Variants in KDM4B observed in about 807,000 individuals in gnomAD.
KDM4B encodes lysine-specific demethylase 4B.
Under a neutral mutation model 125.2 loss-of-function variants are expected in KDM4B, and 32 were observed. The observed-to-expected ratio is 0.26, with a 90% CI of 0.19 to 0.34. KDM4B has a LOEUF of 0.34. KDM4B is among the 10% of genes least tolerant of loss of function. The pLI is 1.00. For missense variants in KDM4B, 1,190 were observed against 1,577.7 expected, an observed-to-expected ratio of 0.75 and a Z score of 4.16; for synonymous variants, 721 against 677.9, an observed-to-expected ratio of 1.06 and a Z score of -0.99.
intron 2 of KDM4B, among the ~76,000 whole-genome samples, chr19:5,028,327 G>T (rs115472405): frequency 6.6e-6 from 1 of 152,120 alleles, no homozygotes; most frequent in Non-Finnish European, 1.5e-5. Flanking sequence ...TGTAGCCTGG[G>T]GTGTAACACA....
chr19:5,076,716 G>C (rs1230018354), intron 7 of KDM4B: 2 of 154,566 alleles, frequency 1.3e-5, no homozygotes, highest in African/African-American at 2.5e-5. Flanking sequence ...CTCGTTGACC[G>C]AGTGACGAGG....
At chr19:5,056,062 G>A (rs1466064481) in intron 6 of KDM4B, among the ~76,000 whole-genome samples, 4 of 152,170 alleles carry the variant, frequency 2.6e-5, no homozygotes, top group Non-Finnish European at 5.9e-5. Flanking sequence ...GGGCTATTAC[G>A]GTGTGTTTGA....
chr19:4,974,014 C>T (rs913327106), intron 1 of KDM4B, among the ~76,000 whole-genome samples: 1 of 152,008 alleles, frequency 6.6e-6, no homozygotes, highest in African/African-American at 2.4e-5. Flanking sequence ...CCTGTAGTCC[C>T]AGCTACTTGG....
intron 1 of KDM4B, among the ~76,000 whole-genome samples, chr19:4,999,739 G>GTCCATCTA (rs2035310515): frequency 1.8e-4 from 6 of 34,184 alleles, no homozygotes; most frequent in South Asian, 1.9e-3. Context: ...CCACCCACCT[G>GTCCATCTA]TCCATCTATC....
At chr19:5,116,069 C>A (rs1012032813) in intron 10 of KDM4B, among the ~76,000 whole-genome samples, 1 of 151,714 alleles carries the variant, frequency 6.6e-6, no homozygotes, top group South Asian at 2.1e-4. Flanking sequence ...AAACAAAGGC[C>A]CTGAAAGCTT....
intron 11 of KDM4B, among the ~76,000 whole-genome samples, chr19:5,122,204 G>T (rs192859675): frequency 6.6e-6 from 1 of 152,092 alleles, no homozygotes; most frequent in Non-Finnish European, 1.5e-5. Context: ...GTCTAGAGGC[G>T]CCCACATCTC....
chr19:4,995,093 G>A (rs1218643139), intron 1 of KDM4B, among the ~76,000 whole-genome samples: 2 of 152,136 alleles, frequency 1.3e-5, no homozygotes, highest in East Asian at 3.8e-4. Flanking sequence ...TCAGTGAAAT[G>A]AACACATCAA....
At chr19:5,063,385 T>A (rs2037666293) in intron 6 of KDM4B, among the ~76,000 whole-genome samples, 1 of 152,190 alleles carries the variant, frequency 6.6e-6, no homozygotes, top group East Asian at 1.9e-4. Context: ...ATATGCCGGA[T>A]TCAGAAAACG....
In KDM4B at chr19:5,151,710, T is replaced by G. The variant is rs2039952206; in HGVS notation, c.*199T>G. ...ACTCAGGGAGCAGGGCCAGGCGGGC[T>G]CGGGGGCCGGCCAGGGGAGCACCCC... On this transcript the variant is annotated 3_prime_UTR_variant, in exon 23 of 23. Transcript: ENST00000159111. 4.8e-6 allele frequency: 2 copies of G among 414,668 alleles called. No homozygotes were observed. The highest frequency in any genetic ancestry group is 8.3e-6 in the Non-Finnish European group (2 of 241,772). 25.7% of individuals were successfully genotyped at this position (414,668 alleles called of 1,614,324 possible). A position where few individuals can be genotyped will look rare whatever the true frequency, so the allele number is the denominator to read the frequency against.
chr19:5,026,546 T>C (rs961918701), intron 2 of KDM4B, among the ~76,000 whole-genome samples: 12 of 152,136 alleles, frequency 7.9e-5, no homozygotes, highest in Non-Finnish European at 1.3e-4. Flanking sequence ...GTCTTCCAGA[T>C]TGGGCCCCGT....
At chr19:5,088,462 C>T (rs867944005) in intron 9 of KDM4B, among the ~76,000 whole-genome samples, 4 of 152,188 alleles carry the variant, frequency 2.6e-5, no homozygotes, top group South Asian at 4.1e-4. Flanking sequence ...CTGAGCAGAG[C>T]GCTGGGTTCG....
At chr19:5,040,159 C>T (rs552789152) in intron 4 of KDM4B, 148 bp downstream of exon 4, 5 of 910,280 alleles carry the variant, frequency 5.5e-6, no homozygotes, top group Non-Finnish European at 8.0e-6. Context: ...TGTGGCGACC[C>T]CTGCTCCCAG....
At chr19:4,984,602 C>T (rs2034765047) in intron 1 of KDM4B, among the ~76,000 whole-genome samples, 1 of 152,140 alleles carries the variant, frequency 6.6e-6, no homozygotes, top group Non-Finnish European at 1.5e-5. Flanking sequence ...GTTTTCTGCT[C>T]CGGTGAACTT....
chr19:5,106,474 C>T (rs958585421), intron 9 of KDM4B, among the ~76,000 whole-genome samples: 2 of 152,214 alleles, frequency 1.3e-5, no homozygotes, highest in Non-Finnish European at 2.9e-5. Context: ...AGGGTCTGCT[C>T]CATGCTCACT....
At chr19:5,025,426 C>T (rs963587759) in intron 2 of KDM4B, among the ~76,000 whole-genome samples, 1 of 152,376 alleles carries the variant, frequency 6.6e-6, no homozygotes, top group South Asian at 2.1e-4. Context: ...AACTGTGTAT[C>T]TAACTGAGTG....
chr19:5,121,105 T>C (rs1345483663), intron 11 of KDM4B, among the ~76,000 whole-genome samples: 1 of 152,178 alleles, frequency 6.6e-6, no homozygotes, highest in African/African-American at 2.4e-5. Context: ...TCTGTGACGA[T>C]GGGGTCGTGG....
chr19:4,997,247 G>A lies in KDM4B; in HGVS notation c.-108-19010G>A, dbSNP rs573450667. Among the ~76,000 whole-genome samples, 33 of 152,214 alleles carry A rather than the reference G, an allele frequency of 2.2e-4. No individual in the cohort carries two copies. The South Asian group carries it at 6.8e-3, about 32-fold the overall frequency. ...TTTCTCAGTTCCTCACTTATCTTTA[G>A]TTTTATTTTTGGTGCGTTGTTACAT... On this transcript the variant is annotated intron_variant, in intron 1 of 22. Coordinates refer to ENST00000159111, the MANE Select transcript of KDM4B (RefSeq NM_015015.3). The surrounding 1 kb of genome is among the most constrained non-coding windows in gnomAD (Gnocchi z 4.2).
In KDM4B at chr19:5,135,382, A is replaced by C. The variant is rs1397963915; in HGVS notation, c.2129A>C (p.Glu710Ala). Residue 710 changes from glutamate (E) to alanine (A), a missense_variant, in exon 15 of 23, where the codon GAG becomes GCG. By Grantham distance (107) the Glu-to-Ala change is moderately radical (BLOSUM62 -1). Transcript: ENST00000159111. ...EKEAPIASLG[E>A]GCPATLPSKS... ...GAGGCACCCATAGCCTCCCTCGGAG[A>C]GGGCTGCCCGGCCACATTACCCTCC... The C allele has an allele frequency of 6.2e-7, 1 of 1,613,410 alleles. No individual in the cohort carries two copies. Among genetic ancestry groups the C allele is most frequent in the Non-Finnish European group, 8.5e-7 (1 of 1,179,918 alleles).
chr19:5,063,847 C>T (rs1407947840), intron 6 of KDM4B, among the ~76,000 whole-genome samples: 1 of 152,238 alleles, frequency 6.6e-6, no homozygotes, highest in African/African-American at 2.4e-5. Context: ...GTGTCCCTGG[C>T]CCGGTCACCA....
Sources: gnomAD v4.1 joint callset for allele counts (sites outside exome capture counted in the v4.1 genomes callset) on GRCh38, gnomAD v4.1.1 for gene constraint, Gnocchi (gnomAD v3.1) non-coding constraint, MANE v1.5 for transcripts, NCBI Gene and HGNC (gene_info 2026-07-23, HGNC 2026-07-21) for gene names.